PALM2AKAP2: variants seen among roughly 807,000 people sequenced by gnomAD.
PALM2AKAP2 encodes PALM2-AKAP2 fusion protein.
A neutral mutation model predicts 71.5 loss-of-function variants in PALM2AKAP2; 37 were observed. The ratio of observed to expected loss-of-function variants is 0.52; its 90% confidence interval spans 0.40 to 0.68. The LOEUF (loss-of-function observed/expected upper bound fraction) is 0.68, where lower values mean the gene tolerates loss of function less well. Ranked by LOEUF, PALM2AKAP2 falls within the 30% of genes least tolerant of loss-of-function variation. The pLI, the probability that PALM2AKAP2 is intolerant of heterozygous loss-of-function variation, is 0.00. For missense variants in PALM2AKAP2, 1,224 were observed against 1,191.8 expected (o/e 1.03, Z -0.40); for synonymous variants, 468 against 478.8 (o/e 0.98, Z 0.29).
intron 1 of PALM2AKAP2, among the ~76,000 whole-genome samples, chr9:110,105,546 T>C (rs755874589): frequency 5.3e-5 from 8 of 152,230 alleles, no homozygotes; most frequent in Non-Finnish European, 1.2e-4. Flanking sequence ...TAGAAATAAT[T>C]AGGAGTTAAT....
chr9:110,076,464 G>A (rs1834322943), intron 1 of PALM2AKAP2, among the ~76,000 whole-genome samples: 1 of 107,462 alleles, frequency 9.3e-6, no homozygotes, highest in Admixed American at 9.2e-5. Flanking sequence ...GGCTCCTGAG[G>A]ATATATAGGT....
At position 110,168,488 on chromosome 9, in the gene PALM2AKAP2, C is replaced by A. The variant is rs766530788; in HGVS notation, c.2838C>A (p.Asp946Glu). 7.4e-6 allele frequency: 12 copies of A among 1,613,968 alleles called. No individual in the cohort carries two copies. Among genetic ancestry groups the A allele is most frequent in the African/African-American group, 1.3e-5 (1 of 74,910 alleles). ...TCTATGCCAACCAGGAGGAAGAAGACAACGAATAAACTTCCTTCAACCCAG... is the reference window on the plus strand; with the variant it reads ...TCTATGCCAACCAGGAGGAAGAAGAAAACGAATAAACTTCCTTCAACCCAG... The change falls in exon 4 of 4, where the codon GAC becomes GAA. Residue 946 changes from aspartate to glutamate, a missense_variant. Transcript: ENST00000374525.
rs115205113 is a variant in PALM2AKAP2 at position 109,967,881 on chromosome 9, A to T, written c.496+35853A>T. ...TTTGTGGGTTTGGGGTACCATGAAG[A>T]CCACTTGAAGTTATTCTCCAACAGG... is the stretch of plus-strand genomic sequence containing the variant. On this transcript the variant is annotated intron_variant, in intron 6 of 9. Coordinates refer to the PALM2AKAP2 transcript ENST00000302798. Among the ~76,000 whole-genome samples the T allele has an allele frequency of 3.6e-3, 544 of 152,290 alleles. 6 individuals carry two copies. The highest frequency in any genetic ancestry group is 0.012 in the African/African-American group (513 of 41,552).
chr9:109,988,047 T>A (rs143953973), intron 6 of PALM2AKAP2, among the ~76,000 whole-genome samples: 1 of 152,302 alleles, frequency 6.6e-6, no homozygotes, highest in African/African-American at 2.4e-5. Flanking sequence ...TTCTACAGAG[T>A]AAGGGTGCTT....
intron 6 of PALM2AKAP2, among the ~76,000 whole-genome samples, chr9:109,933,675 C>T (rs1831159893): frequency 6.6e-6 from 1 of 152,190 alleles, no homozygotes; most frequent in Admixed American, 6.5e-5. Flanking sequence ...ATTTTAAAAG[C>T]CAATGCATTT....
At chr9:109,861,124 G>A (rs1317248061) in intron 1 of PALM2AKAP2, among the ~76,000 whole-genome samples, 1 of 152,228 alleles carries the variant, frequency 6.6e-6, no homozygotes. Context: ...TGGGGGTTCA[G>A]TGGAGGAAAG....
intron 6 of PALM2AKAP2, among the ~76,000 whole-genome samples, chr9:109,988,259 A>G (rs1411658126): frequency 6.6e-6 from 1 of 152,238 alleles, no homozygotes; most frequent in Non-Finnish European, 1.5e-5. Context: ...CTTCAGTGAT[A>G]ACAAAGTCAT....
chr9:109,701,247 A>T (rs1828050740), intron 1 of PALM2AKAP2, among the ~76,000 whole-genome samples: 1 of 152,204 alleles, frequency 6.6e-6, no homozygotes, highest in South Asian at 2.1e-4. Context: ...AAACTACTTT[A>T]AAGTTCATAT....
Position 110,146,333 on chromosome 9 carries a change from A to G in PALM2AKAP2, c.2569+7794A>G, listed in dbSNP as rs146454308. ...CCCACCAGCTGAATTCCCTGGTACAAGCAGGTTCTGCTGTTCCTGCTGATT... is the reference window on the plus strand; with the variant it reads ...CCCACCAGCTGAATTCCCTGGTACAGGCAGGTTCTGCTGTTCCTGCTGATT... On this transcript the variant is annotated intron_variant, in intron 2 of 3. Coordinates refer to ENST00000374525, the Ensembl canonical transcript of PALM2AKAP2. Among the ~76,000 whole-genome samples the G allele has an allele frequency of 1.2e-4, 19 of 152,298 alleles. No homozygotes were observed. The East Asian group carries it at 2.7e-3, about 22-fold the overall frequency.
intron 1 of PALM2AKAP2, among the ~76,000 whole-genome samples, chr9:109,789,747 C>G (rs1435961917): frequency 1.3e-5 from 2 of 152,176 alleles, no homozygotes; most frequent in African/African-American, 4.8e-5. Context: ...CAGCTGAGAT[C>G]TATTTCTGAC....
rs1341725835 is a variant in PALM2AKAP2 at position 109,666,214 on chromosome 9, A to G, written c.5+25348A>G. Among the ~76,000 whole-genome samples, 3 of 152,272 alleles carry G rather than the reference A, an allele frequency of 2.0e-5. No individual in the cohort carries two copies. In the East Asian group the frequency reaches 5.8e-4, roughly 29 times the overall value. On this transcript the variant is annotated intron_variant, in intron 1 of 6. Transcript: ENST00000374531. ...CTGCATCCACTCTCCAACCAGCCCC[A>G]GTGAGATGAACCAGGTACCTCAGTT... is the stretch of plus-strand genomic sequence containing the variant.
intron 6 of PALM2AKAP2, chr9:109,945,855 C>T (rs754535033): frequency 6.6e-6 from 1 of 152,186 alleles, no homozygotes; most frequent in Non-Finnish European, 1.5e-5. Flanking sequence ...TACTACAACA[C>T]TACACACAAG....
intron 6 of PALM2AKAP2, among the ~76,000 whole-genome samples, chr9:109,938,506 A>G (rs1438276231): frequency 6.6e-6 from 1 of 152,062 alleles, no homozygotes; most frequent in Non-Finnish European, 1.5e-5. Flanking sequence ...AGTTTATTTT[A>G]TTATAAAATT....
intron 6 of PALM2AKAP2, among the ~76,000 whole-genome samples, chr9:109,966,923 G>A (rs1377147070): frequency 2.0e-5 from 3 of 152,156 alleles, no homozygotes; most frequent in Admixed American, 1.3e-4. Flanking sequence ...GTTAAGGAAC[G>A]GAGTTCCATC....
At chr9:110,040,419 G>T (rs910324758) in intron 7 of PALM2AKAP2, among the ~76,000 whole-genome samples, 10 of 152,212 alleles carry the variant, frequency 6.6e-5, no homozygotes, top group Admixed American at 1.3e-4. Context: ...CAGTATACTA[G>T]AAGGAAAAAG....
At chr9:109,706,957 A>T (rs536605329) in intron 1 of PALM2AKAP2, among the ~76,000 whole-genome samples, 1 of 152,338 alleles carries the variant, frequency 6.6e-6, no homozygotes, top group African/African-American at 2.4e-5. Context: ...AAAATATTCT[A>T]AATTTAGATT....
chr9:109,833,882 G>A (rs1032198589), intron 1 of PALM2AKAP2, among the ~76,000 whole-genome samples: 1 of 152,174 alleles, frequency 6.6e-6, no homozygotes, highest in African/African-American at 2.4e-5. Flanking sequence ...ACCTCCTTAA[G>A]GGACCAGTTC....
intron 1 of PALM2AKAP2, among the ~76,000 whole-genome samples, chr9:109,700,978 A>G (rs957744787): frequency 2.6e-5 from 4 of 152,228 alleles, no homozygotes; most frequent in South Asian, 2.1e-4. Flanking sequence ...GGGATATTGC[A>G]TATGATAGGC....
intron 6 of PALM2AKAP2, among the ~76,000 whole-genome samples, chr9:109,963,211 C>T (rs1451568112): frequency 6.6e-6 from 1 of 152,092 alleles, no homozygotes; most frequent in Non-Finnish European, 1.5e-5. Flanking sequence ...GAAGCTTGGG[C>T]TGGTTGTCTG....
Sources: gnomAD v4.1 joint callset for allele counts (sites outside exome capture counted in the v4.1 genomes callset) on GRCh38, gnomAD v4.1.1 for gene constraint, MANE v1.5 for transcripts, NCBI Gene and HGNC (gene_info 2026-07-23, HGNC 2026-07-21) for gene names.